Variants in ACSM2A observed in about 807,000 individuals in gnomAD.
The protein encoded by ACSM2A is acyl-CoA synthetase medium chain family member 2A.
ACSM2A carries 72 observed loss-of-function variants against 76.6 expected under a neutral mutation model. The observed-to-expected ratio is 0.94, with a 90% CI of 0.78 to 1.14. The LOEUF (loss-of-function observed/expected upper bound fraction) is 1.14, where lower values mean the gene tolerates loss of function less well. Among genes scored for constraint, ACSM2A ranks in the 50% most tolerant of loss-of-function variants. The pLI is 0.00. For synonymous variants in ACSM2A, 249 were observed against 255.9 expected (o/e 0.97, Z 0.26); for missense variants, 684 against 708.5 (o/e 0.97, Z 0.39).
At chr16:20,473,928 AACTAAGGCATTCC>A (rs2013570288) in intron 6 of ACSM2A, 1 of 383,220 alleles carries the variant, frequency 2.6e-6, no homozygotes, top group African/African-American at 2.1e-5. Flanking sequence ...TATTTATCTT[AACTAAGGCATTCC>A]TTTCTATTGA....
At chr16:20,463,332 G>A (rs2012754951) in intron 2 of ACSM2A, among the ~76,000 whole-genome samples, 1 of 151,664 alleles carries the variant, frequency 6.6e-6, no homozygotes, top group African/African-American at 2.4e-5. Context: ...CAGGAGCAAA[G>A]TGACATAGTT....
chr16:20,469,426 T>C, intron 3 of ACSM2A, 86 bp from the exon 4 acceptor site: 1 of 1,583,096 alleles, frequency 6.3e-7, no homozygotes, highest in Non-Finnish European at 8.6e-7. Flanking sequence ...CTTCCCCACT[T>C]GCTCGCTGCT....
chr16:20,473,182 T>G (rs960716098), intron 6 of ACSM2A, among the ~76,000 whole-genome samples: 17 of 152,198 alleles, frequency 1.1e-4, no homozygotes, highest in African/African-American at 3.1e-4. Context: ...AGCTAAGGCA[T>G]AGATGACATC....
chr16:20,469,977 T>C (rs561628569), intron 4 of ACSM2A, among the ~76,000 whole-genome samples: 9 of 149,340 alleles, frequency 6.0e-5, no homozygotes, highest in African/African-American at 2.0e-4. Flanking sequence ...AGGATTGTCC[T>C]CTAAAGGATT....
chr16:20,466,315 T>C (rs895995320), intron 3 of ACSM2A, among the ~76,000 whole-genome samples: 19 of 152,046 alleles, frequency 1.2e-4, no homozygotes, highest in African/African-American at 4.6e-4. Flanking sequence ...TCAATGGAAG[T>C]GATATTTGAG....
chr16:20,453,577 T>C (rs71384459), intron 1 of ACSM2A: 75 of 120,334 alleles, frequency 6.2e-4, no homozygotes, highest in Non-Finnish European at 8.6e-4. Flanking sequence ...TCAGTATACC[T>C]GGAAAAAGAA....
chr16:20,458,283 T>G (rs145324809), intron 1 of ACSM2A, among the ~76,000 whole-genome samples: 2,174 of 148,966 alleles, frequency 0.015, 68 homozygotes, highest in African/African-American at 0.05. Flanking sequence ...CCATCATTCT[T>G]CACAGAACTA....
Position 20,471,101 on chromosome 16 carries a change from G to C in ACSM2A, c.625G>C (p.Glu209Gln). ...GGCATCCACCACTCATCACTGTGTG[G>C]AGACTGGAAGCCAGGAAGCATCTGC... is the stretch of plus-strand genomic sequence containing the variant. The part of the protein sequence containing the change: ...NEASTTHHCV[E>Q]TGSQEASAIY... The change falls in exon 5 of 14, where the codon GAG becomes CAG. Residue 209 changes from glutamate to glutamine, a missense_variant. Transcript: ENST00000573854. The C allele has an allele frequency of 6.2e-7, 1 of 1,613,602 alleles. No homozygotes were observed.
In ACSM2A at chr16:20,483,039, G is replaced by A; in HGVS notation, c.1510-19G>A. On this transcript the variant is annotated intron_variant, in intron 12 of 13. Transcript: ENST00000573854. ...TACACACTCTAATCCCTTCTCTCTGGCCTTCATCTTTTTTGCAGGTGGTGA... is the reference window on the plus strand; with the variant it reads ...TACACACTCTAATCCCTTCTCTCTGACCTTCATCTTTTTTGCAGGTGGTGA... 2.5e-6 allele frequency: 4 copies of A among 1,612,798 alleles called. No homozygotes were observed. The highest frequency in any genetic ancestry group is 3.4e-6 in the Non-Finnish European group (4 of 1,179,186).
At chr16:20,481,120 T>A in intron 12 of ACSM2A, 199 bp downstream of exon 12, 1 of 655,974 alleles carries the variant, frequency 1.5e-6, no homozygotes, top group Non-Finnish European at 2.6e-6. Flanking sequence ...TGAGGGATTG[T>A]TATGAGGGTT....
intron 1 of ACSM2A, 117 bp from the exon 2 acceptor site, chr16:20,459,988 AGC>A: frequency 7.0e-7 from 1 of 1,429,044 alleles, no homozygotes; most frequent in Non-Finnish European, 9.2e-7. Flanking sequence ...TCATAACTAC[AGC>A]AAATTAATTC....
At chr16:20,476,669 T>A (rs981542886) in intron 8 of ACSM2A, 2 of 987,466 alleles carry the variant, frequency 2.0e-6, no homozygotes, top group Non-Finnish European at 2.4e-6. Flanking sequence ...GGTGGGTGGA[T>A]AAACTTGCCC....
At chr16:20,464,188 T>C (rs1169646443) in intron 2 of ACSM2A, among the ~76,000 whole-genome samples, 1 of 152,248 alleles carries the variant, frequency 6.6e-6, no homozygotes, top group Non-Finnish European at 1.5e-5. Flanking sequence ...TCCGAACTTT[T>C]CCTCATCTTT....
intron 3 of ACSM2A, among the ~76,000 whole-genome samples, 180 bp from the exon 4 acceptor site, chr16:20,469,332 G>A (rs1031100632): frequency 6.6e-6 from 1 of 152,014 alleles, no homozygotes; most frequent in Non-Finnish European, 1.5e-5. Flanking sequence ...ACAACCCAGG[G>A]AATCCTAGGT....
At chr16:20,455,777 T>C (rs1334954027) in intron 1 of ACSM2A, among the ~76,000 whole-genome samples, 1 of 150,290 alleles carries the variant, frequency 6.7e-6, no homozygotes, top group Non-Finnish European at 1.5e-5. Flanking sequence ...AATAGCACAA[T>C]GAATGGAATA....
intron 3 of ACSM2A, among the ~76,000 whole-genome samples, chr16:20,467,045 A>C (rs1489235533): frequency 6.6e-6 from 1 of 152,236 alleles, no homozygotes; most frequent in East Asian, 1.9e-4. Context: ...GGATGAGCAA[A>C]GATAGATAGC....
In ACSM2A at chr16:20,478,444, G is replaced by A. The variant is rs551023691; in HGVS notation, c.1180-132G>A. On this transcript the variant is annotated intron_variant, in intron 9 of 13. Coordinates refer to ENST00000573854, the MANE Select transcript of ACSM2A (RefSeq NM_001308172.2). Reference sequence around the variant, plus strand: ...AGTTTAAGACTCTTGGGTTCCCCTGGCTTCTGGTTGTTGTTTTCAGTCTCC... The same window carrying A: ...AGTTTAAGACTCTTGGGTTCCCCTGACTTCTGGTTGTTGTTTTCAGTCTCC... 46 of 1,016,976 alleles carry A rather than the reference G, an allele frequency of 4.5e-5. 1 individual carries two copies. The highest frequency in any genetic ancestry group is 4.9e-5 in the Non-Finnish European group (35 of 720,478). 63.0% of individuals were successfully genotyped at this position (1,016,976 alleles called of 1,614,324 possible). A position where few individuals can be genotyped will look rare whatever the true frequency, so the allele number is the denominator to read the frequency against.
chr16:20,483,604 T>TAAAAAAAAAAAAA (rs2014232620), intron 13 of ACSM2A, among the ~76,000 whole-genome samples: 1 of 32,930 alleles, frequency 3.0e-5, no homozygotes, highest in African/African-American at 6.0e-5. Flanking sequence ...AAAAAAAAAG[T>TAAAAAAAAAAAAA]CTTTCTATGA....
At chr16:20,470,985 G>T in intron 4 of ACSM2A, 88 bp from the exon 5 acceptor site, 11 of 1,566,730 alleles carry the variant, frequency 7.0e-6, no homozygotes, top group Non-Finnish European at 9.6e-6. Flanking sequence ...GCCCTTTTCA[G>T]CACAGTGGGT....
Sources: gnomAD v4.1 joint callset for allele counts (sites outside exome capture counted in the v4.1 genomes callset) on GRCh38, gnomAD v4.1.1 for gene constraint, MANE v1.5 for transcripts, NCBI Gene and HGNC (gene_info 2026-07-23, HGNC 2026-07-21) for gene names.